BABAM2: variants seen among roughly 807,000 people sequenced by gnomAD.
BABAM2 encodes BRISC and BRCA1 A complex member 2.
Under a neutral mutation model 54.7 loss-of-function variants are expected in BABAM2, and 31 were observed. The observed-to-expected ratio is 0.57, with a 90% CI of 0.43 to 0.77. The LOEUF (loss-of-function observed/expected upper bound fraction) is 0.77, where lower values mean the gene tolerates loss of function less well. Among genes scored for constraint, BABAM2 ranks in the 30% least tolerant of loss-of-function variants. The probability of loss-of-function intolerance (pLI) is 0.00; values close to 1 mark genes in which losing one functional copy is unlikely to be tolerated. For synonymous variants in BABAM2, 167 were observed against 162.9 expected (o/e 1.03, Z -0.19); for missense variants, 364 against 455.8 (o/e 0.80, Z 1.83).
intron 3 of BABAM2, among the ~76,000 whole-genome samples, chr2:27,986,970 A>G (rs1460067448): frequency 6.6e-6 from 1 of 152,184 alleles, no homozygotes; most frequent in African/African-American, 2.4e-5. Context: ...AGAAACAGGT[A>G]GAAGAACTTG....
intron 3 of BABAM2, among the ~76,000 whole-genome samples, chr2:27,933,192 A>G (rs1471752286): frequency 2.0e-5 from 3 of 152,228 alleles, no homozygotes; most frequent in African/African-American, 7.2e-5. Context: ...TGATTAGTGT[A>G]TTAGGACTGT....
intron 11 of BABAM2, among the ~76,000 whole-genome samples, chr2:28,314,768 A>G (rs1689370699): frequency 1.3e-5 from 2 of 151,922 alleles, no homozygotes; most frequent in Non-Finnish European, 2.9e-5. Context: ...AGTCGAGGAA[A>G]GAAGATTATG....
chr2:27,998,016 G>A (rs558837505), intron 4 of BABAM2, among the ~76,000 whole-genome samples: 84 of 152,214 alleles, frequency 5.5e-4, no homozygotes, highest in African/African-American at 2.0e-3. Flanking sequence ...AGCTGGGCAT[G>A]GTGGCGCGCA....
intron 5 of BABAM2, chr2:28,025,637 C>T: frequency 4.3e-6 from 2 of 467,522 alleles, no homozygotes; most frequent in Admixed American, 8.3e-5. Context: ...GATTCAGAGT[C>T]TCATCCCCAG....
intron 6 of BABAM2, among the ~76,000 whole-genome samples, chr2:28,063,214 A>G (rs1244331428): frequency 6.6e-6 from 1 of 152,236 alleles, no homozygotes. Flanking sequence ...GCTTGAATTG[A>G]GTCCAGAACT....
chr2:28,081,544 G>A (rs1199800763), intron 6 of BABAM2, among the ~76,000 whole-genome samples: 1 of 152,150 alleles, frequency 6.6e-6, no homozygotes, highest in Non-Finnish European at 1.5e-5. Flanking sequence ...GGGAATTGTG[G>A]ATTTGAAAAC....
intron 10 of BABAM2, among the ~76,000 whole-genome samples, chr2:28,271,708 G>A (rs1685441677): frequency 6.6e-6 from 1 of 152,156 alleles, no homozygotes; most frequent in African/African-American, 2.4e-5. Context: ...AAGGGAAAGG[G>A]CCAACCAGGC....
intron 10 of BABAM2, among the ~76,000 whole-genome samples, chr2:28,282,606 C>T (rs887870962): frequency 1.3e-5 from 2 of 152,148 alleles, no homozygotes; most frequent in Admixed American, 1.3e-4. Context: ...CAGGCTTACT[C>T]CTAGTAGAAA....
chr2:28,324,250 A>G (rs1296341708), intron 11 of BABAM2, among the ~76,000 whole-genome samples: 1 of 152,212 alleles, frequency 6.6e-6, no homozygotes, highest in East Asian at 1.9e-4. Flanking sequence ...ACACGAAATC[A>G]AAAAATTTTA....
chr2:28,242,247 C>G (rs1228649956), intron 9 of BABAM2, among the ~76,000 whole-genome samples: 1 of 152,198 alleles, frequency 6.6e-6, no homozygotes, highest in Non-Finnish European at 1.5e-5. Context: ...GCATTCGATG[C>G]AAAAGCGGTG....
chr2:28,027,459 A>G (rs906636062), intron 5 of BABAM2, among the ~76,000 whole-genome samples: 2 of 152,212 alleles, frequency 1.3e-5, no homozygotes, highest in Non-Finnish European at 2.9e-5. Context: ...ATGTCCACTT[A>G]CAGTTAATCT....
chr2:28,243,481 G>A (rs1262691183), intron 9 of BABAM2, among the ~76,000 whole-genome samples: 1 of 151,442 alleles, frequency 6.6e-6, no homozygotes, highest in Non-Finnish European at 1.5e-5. Context: ...GCAGTGAACC[G>A]AGATCATGCC....
At chr2:28,033,230 T>G (rs1254807358) in intron 5 of BABAM2, among the ~76,000 whole-genome samples, 1 of 152,116 alleles carries the variant, frequency 6.6e-6, no homozygotes, top group Non-Finnish European at 1.5e-5. Context: ...TTGCCACTAT[T>G]ATTATTATTT....
chr2:28,080,826 A>G (rs192275292), intron 6 of BABAM2, among the ~76,000 whole-genome samples: 31 of 152,328 alleles, frequency 2.0e-4, no homozygotes, highest in African/African-American at 7.0e-4. Context: ...ATTTGTCAGG[A>G]TATATCTTCC....
At chr2:28,257,844 C>G (rs1017014141) in intron 10 of BABAM2, among the ~76,000 whole-genome samples, 3 of 152,098 alleles carry the variant, frequency 2.0e-5, no homozygotes, top group Non-Finnish European at 2.9e-5. Flanking sequence ...ATGTTCATAC[C>G]TCTGCACTCC....
At position 28,298,485 on chromosome 2, in the gene BABAM2, G is replaced by C; in HGVS notation, c.1082G>C (p.Arg361Thr). 1.2e-6 allele frequency: 2 copies of C among 1,614,064 alleles called. No homozygotes were observed. The highest frequency in any genetic ancestry group is 1.7e-6 in the Non-Finnish European group (2 of 1,179,988). ...PRWDGNEMAK[R>T]AKAYFKTFVP... ...TGGGATGGAAATGAAATGGCCAAAA[G>C]AGCAAAGTAAGTGAATCTGTCGTTA... The change falls in exon 11 of 12, where the codon AGA (arginine) becomes ACA (threonine). Residue 361 changes from arginine to threonine, a missense_variant. By Grantham distance (71) the Arg-to-Thr change is moderately conservative. Transcript: ENST00000379624.
At position 28,010,352 on chromosome 2, in the gene BABAM2, AATC is replaced by A. The variant is rs1674299404; in HGVS notation, c.301-14871_301-14869del. ...TATTATTTATTTTTTCCTTAAGAAAAATCATTATAATCATCATTGGGTTAGTAA... is the reference window on the plus strand; with the variant it reads ...TATTATTTATTTTTTCCTTAAGAAAAATTATAATCATCATTGGGTTAGTAA... On this transcript the variant is annotated intron_variant, in intron 4 of 11. Transcript: ENST00000379624. 3.9e-5 allele frequency among the ~76,000 whole-genome samples: 6 copies of A among 152,126 alleles called. No individual in the cohort carries two copies. The South Asian group carries it at 1.2e-3, about 32-fold the overall frequency.
In BABAM2 at chr2:28,072,234, G is replaced by A. The variant is rs555100615; in HGVS notation, c.570+26435G>A. Among the ~76,000 whole-genome samples the A allele has an allele frequency of 3.5e-4, 53 of 151,122 alleles. 1 individual carries two copies. The highest frequency in any genetic ancestry group is 2.7e-3 in the Admixed American group (41 of 15,162). On this transcript the variant is annotated intron_variant, in intron 6 of 11. Coordinates refer to ENST00000379624, the MANE Select transcript of BABAM2 (RefSeq NM_199191.3). Reference sequence around the variant, plus strand: ...TGTCACCAGGCTGGAGGGCAGTGGCGCCATCTTGGCTTACTGCAACCTTCG... The same window carrying A: ...TGTCACCAGGCTGGAGGGCAGTGGCACCATCTTGGCTTACTGCAACCTTCG...
chr2:28,146,085 T>G (rs924028614), intron 7 of BABAM2, among the ~76,000 whole-genome samples: 2 of 152,246 alleles, frequency 1.3e-5, no homozygotes, highest in African/African-American at 4.8e-5. Context: ...TTCAAATCCC[T>G]TAGGAGAAAT....
Sources: allele counts gnomAD v4.1 joint callset (sites outside exome capture counted in the v4.1 genomes callset), GRCh38; gene constraint gnomAD v4.1.1; transcripts MANE v1.5; gene names NCBI Gene and HGNC (gene_info 2026-07-23, HGNC 2026-07-21).